OLFM3: variants seen among roughly 807,000 people sequenced by gnomAD.
OLFM3 encodes the protein noelin-3.
OLFM3 carries 20 observed loss-of-function variants against 48.6 expected under a neutral mutation model. The ratio of observed to expected loss-of-function variants is 0.41; its 90% CI spans 0.29 to 0.60. OLFM3 has a LOEUF of 0.60. Ranked by LOEUF, OLFM3 falls within the 20% of genes least tolerant of loss-of-function variation. The pLI is 0.28. For synonymous variants in OLFM3, 222 were observed against 198.1 expected (o/e 1.12, Z -1.01); for missense variants, 437 against 544.3 (o/e 0.80, Z 1.96).
chr1:101,887,353 A>G (rs1657803644), intron 1 of OLFM3, among the ~76,000 whole-genome samples: 1 of 152,018 alleles, frequency 6.6e-6, no homozygotes, highest in Admixed American at 6.6e-5. Flanking sequence ...AAGAGCTCCT[A>G]GATATTTATA....
At chr1:101,990,989 T>TAAAAAAAAAAAA (rs58481588) in intron 1 of OLFM3, among the ~76,000 whole-genome samples, 6 of 8,902 alleles carry the variant, frequency 6.7e-4, no homozygotes, top group Non-Finnish European at 1.3e-3. Flanking sequence ...TGTCAAAAAG[T>TAAAAAAAAAAAA]AAAAAAAAAA....
intron 1 of OLFM3, chr1:101,893,488 A>G: frequency 3.4e-6 from 1 of 295,154 alleles, no homozygotes; most frequent in Non-Finnish European, 6.9e-6. Flanking sequence ...AAAGATGGCC[A>G]GAAAATAACA....
Position 101,870,142 on chromosome 1 carries a change from G to C in OLFM3, c.70-33117C>G, listed in dbSNP as rs545914652. ...TAGTCCCAATAGATAGCATGTAGTT[G>C]ATGGAAAATTGTGAAAATTTACTTG... On this transcript the variant is annotated intron_variant, in intron 1 of 5. Coordinates refer to ENST00000370103, the MANE Select transcript of OLFM3 (RefSeq NM_058170.4). Among the ~76,000 whole-genome samples, 16 of 152,092 alleles carry C rather than the reference G, an allele frequency of 1.1e-4. No homozygotes were observed. The East Asian group carries it at 2.9e-3, about 28-fold the overall frequency.
intron 1 of OLFM3, among the ~76,000 whole-genome samples, chr1:101,868,100 T>A (rs796847350): frequency 7.9e-5 from 12 of 152,320 alleles, no homozygotes; most frequent in African/African-American, 2.9e-4. Context: ...CTTTCCTTTA[T>A]AAATAATCCA....
intron 1 of OLFM3, among the ~76,000 whole-genome samples, chr1:101,854,746 T>C (rs1051049202): frequency 6.6e-6 from 1 of 152,026 alleles, no homozygotes; most frequent in Admixed American, 6.6e-5. Context: ...AAGAGCTCAG[T>C]CTTTATCCCT....
At chr1:101,934,783 A>C (rs1659560217) in intron 1 of OLFM3, among the ~76,000 whole-genome samples, 1 of 152,058 alleles carries the variant, frequency 6.6e-6, no homozygotes, top group South Asian at 2.1e-4. Context: ...TGACCTCAAC[A>C]CAATAAAAAC....
intron 1 of OLFM3, among the ~76,000 whole-genome samples, chr1:101,891,570 T>C (rs1240778586): frequency 6.6e-6 from 1 of 150,922 alleles, no homozygotes; most frequent in Non-Finnish European, 1.5e-5. Context: ...TTTTGATGGA[T>C]TTTTTTTTCC....
intron 1 of OLFM3, among the ~76,000 whole-genome samples, chr1:101,838,302 A>G (rs1388698283): frequency 6.6e-6 from 1 of 152,194 alleles, no homozygotes; most frequent in Non-Finnish European, 1.5e-5. Flanking sequence ...CATGTGATCC[A>G]ACCGCCTCGG....
intron 1 of OLFM3, among the ~76,000 whole-genome samples, chr1:101,908,791 C>G (rs750146796): frequency 6.6e-6 from 1 of 151,962 alleles, no homozygotes; most frequent in Non-Finnish European, 1.5e-5. Flanking sequence ...CCAGTGTGAC[C>G]CAAAGCAGAG....
At chr1:101,882,331 AATATATATATAT>A (rs200162567) in intron 1 of OLFM3, among the ~76,000 whole-genome samples, 12 of 107,400 alleles carry the variant, frequency 1.1e-4, no homozygotes, top group African/African-American at 3.3e-4. Context: ...ATATATATAT[AATATATATATAT>A]ATATATAAAG....
intron 1 of OLFM3, among the ~76,000 whole-genome samples, chr1:101,894,474 G>A (rs1658119974): frequency 6.6e-6 from 1 of 151,932 alleles, no homozygotes; most frequent in Non-Finnish European, 1.5e-5. Context: ...AAATCAGTGG[G>A]GCTATTTAAT....
intron 1 of OLFM3, among the ~76,000 whole-genome samples, chr1:101,955,457 C>T (rs1660260139): frequency 6.6e-6 from 1 of 151,906 alleles, no homozygotes; most frequent in Admixed American, 6.6e-5. Flanking sequence ...TAAACACCCT[C>T]ATAAACACCA....
intron 1 of OLFM3, among the ~76,000 whole-genome samples, chr1:101,950,605 A>ATT (rs984239017): frequency 2.0e-4 from 29 of 146,382 alleles, no homozygotes; most frequent in African/African-American, 7.0e-4. Context: ...CTCCCGGCTA[A>ATT]TTTTTTTTTT....
chr1:101,833,433 C>T (rs1655259759), intron 2 of OLFM3, among the ~76,000 whole-genome samples: 1 of 152,160 alleles, frequency 6.6e-6, no homozygotes, highest in Non-Finnish European at 1.5e-5. Context: ...CATCAGTTTC[C>T]TGATGACACG....
intron 1 of OLFM3, among the ~76,000 whole-genome samples, chr1:101,869,585 T>A (rs1482375312): frequency 6.6e-6 from 1 of 152,260 alleles, no homozygotes; most frequent in South Asian, 2.1e-4. Flanking sequence ...AAGGCATGAT[T>A]GTGTTATGAA....
chr1:101,868,115 C>T (rs1048118515), intron 1 of OLFM3, among the ~76,000 whole-genome samples: 4 of 152,040 alleles, frequency 2.6e-5, no homozygotes, highest in Non-Finnish European at 5.9e-5. Context: ...AATCCAGTCT[C>T]GGGTATGTCT....
rs529891165 is a variant in OLFM3 at position 101,966,458 on chromosome 1, C to T, written c.69+30290G>A. 3.9e-5 allele frequency among the ~76,000 whole-genome samples: 6 copies of T among 152,226 alleles called. No individual in the cohort carries two copies. In the South Asian group the frequency reaches 1.2e-3, roughly 32 times the overall value. On this transcript the variant is annotated intron_variant, in intron 1 of 5. Transcript: ENST00000370103. Reference sequence around the variant, plus strand: ...AAAGGGCTGGGATTACAGGCGTGAGCCACTGTGTCGGGTCCTTCTCATACT... The same window carrying T: ...AAAGGGCTGGGATTACAGGCGTGAGTCACTGTGTCGGGTCCTTCTCATACT...
At chr1:101,934,802 A>T (rs1012091701) in intron 1 of OLFM3, among the ~76,000 whole-genome samples, 1 of 152,130 alleles carries the variant, frequency 6.6e-6, no homozygotes, top group Non-Finnish European at 1.5e-5. Context: ...ACAGAAATCA[A>T]TACTAAGAAA....
rs372477834 is a variant in OLFM3, at chr1:101,873,563, G to C, written c.70-36538C>G. 4.6e-5 allele frequency among the ~76,000 whole-genome samples: 7 copies of C among 151,922 alleles called. No homozygotes were observed. In the East Asian group the frequency reaches 7.7e-4, roughly 17 times the overall value. The stretch of plus-strand genomic sequence containing the variant: ...AAATGTAACTGGCTGGGGCCCAGGT[G>C]GGGGGTGCAAATATTGCAACTTTTT... On this transcript the variant is annotated intron_variant, in intron 1 of 5. Transcript: ENST00000370103.
Sources: allele counts gnomAD v4.1 joint callset (sites outside exome capture counted in the v4.1 genomes callset), GRCh38; gene constraint gnomAD v4.1.1; transcripts MANE v1.5; gene names NCBI Gene and HGNC (gene_info 2026-07-23, HGNC 2026-07-21).